SH3GL2: variants seen among roughly 807,000 people sequenced by gnomAD.
The protein encoded by SH3GL2 is SH3 domain containing GRB2 like 2, endophilin A1.
Under a neutral mutation model 46.0 loss-of-function variants are expected in SH3GL2, and 24 were observed. That is an observed-to-expected ratio of 0.52 (90% CI 0.38 to 0.73). SH3GL2 has a LOEUF of 0.73. Among genes scored for constraint, SH3GL2 ranks in the 30% least tolerant of loss-of-function variants. The pLI is 0.00. For synonymous variants in SH3GL2, 196 were observed against 147.1 expected (o/e 1.33, Z -2.40); for missense variants, 413 against 424.2 (o/e 0.97, Z 0.23).
intron 1 of SH3GL2, among the ~76,000 whole-genome samples, chr9:17,693,318 A>G (rs1226757086): frequency 6.6e-6 from 1 of 152,128 alleles, no homozygotes; most frequent in African/African-American, 2.4e-5. Context: ...TTTCTTCTGC[A>G]ACAGAAACCC....
intron 1 of SH3GL2, among the ~76,000 whole-genome samples, chr9:17,633,139 G>T (rs1227579713): frequency 6.6e-6 from 1 of 152,156 alleles, no homozygotes; most frequent in Non-Finnish European, 1.5e-5. Context: ...TATAGGTCTT[G>T]TTTCTCAAGT....
chr9:17,771,685 A>C (rs9406709), intron 3 of SH3GL2, among the ~76,000 whole-genome samples: 1 of 152,026 alleles, frequency 6.6e-6, no homozygotes, highest in East Asian at 1.9e-4. Flanking sequence ...GCAGCACCCA[A>C]TCTTGAGGTG....
At chr9:17,727,158 G>C (rs1314336871) in intron 1 of SH3GL2, among the ~76,000 whole-genome samples, 1 of 152,198 alleles carries the variant, frequency 6.6e-6, no homozygotes, top group African/African-American at 2.4e-5. Context: ...TCTACAGAGA[G>C]CAACATATAT....
chr9:17,651,366 G>C (rs1217610316), intron 1 of SH3GL2, among the ~76,000 whole-genome samples: 3 of 152,106 alleles, frequency 2.0e-5, no homozygotes, highest in African/African-American at 7.2e-5. Flanking sequence ...CATTTATTTA[G>C]GGAATTTTAA....
intron 1 of SH3GL2, among the ~76,000 whole-genome samples, chr9:17,622,315 C>A (rs1009883549): frequency 2.0e-5 from 3 of 152,154 alleles, no homozygotes; most frequent in Admixed American, 2.0e-4. Context: ...AATAAGCCAT[C>A]TGCAGTGTCT....
intron 6 of SH3GL2, 81 bp from the exon 7 acceptor site, chr9:17,791,150 T>C (rs1824114879): frequency 1.0e-6 from 1 of 966,718 alleles, no homozygotes; most frequent in African/African-American, 1.6e-5. Context: ...AGGGCAGCCC[T>C]GGTGTATGTA....
intron 1 of SH3GL2, among the ~76,000 whole-genome samples, chr9:17,655,746 G>C (rs1536065): frequency 6.6e-6 from 1 of 151,988 alleles, no homozygotes; most frequent in African/African-American, 2.4e-5. Context: ...CCCGTGCATC[G>C]TTTTTGAGCA....
chr9:17,739,582 C>G (rs73412756), intron 1 of SH3GL2, among the ~76,000 whole-genome samples: 3,239 of 150,746 alleles, frequency 0.021, 114 homozygotes, highest in African/African-American at 0.075. Context: ...TGATGATGAA[C>G]TAAATTATTT....
At chr9:17,754,523 A>T (rs1313410478) in intron 2 of SH3GL2, among the ~76,000 whole-genome samples, 1 of 152,018 alleles carries the variant, frequency 6.6e-6, no homozygotes, top group Non-Finnish European at 1.5e-5. Context: ...TATACAAAAA[A>T]TTAGCTGGGT....
chr9:17,648,944 A>G (rs893906027), intron 1 of SH3GL2, among the ~76,000 whole-genome samples: 3 of 152,210 alleles, frequency 2.0e-5, no homozygotes, highest in Non-Finnish European at 4.4e-5. Context: ...TACAAAGAGC[A>G]CTGTTCCATC....
intron 1 of SH3GL2, among the ~76,000 whole-genome samples, chr9:17,588,898 G>T (rs1232370968): frequency 1.3e-5 from 2 of 152,192 alleles, no homozygotes; most frequent in Non-Finnish European, 2.9e-5. Flanking sequence ...TTGTAACATG[G>T]CCCCTCTGTG....
intron 1 of SH3GL2, among the ~76,000 whole-genome samples, chr9:17,731,466 A>C (rs868623810): frequency 1.5e-4 from 23 of 151,906 alleles, no homozygotes; most frequent in African/African-American, 5.3e-4. Context: ...ACAGAGAGAG[A>C]GAGAGAGCAT....
intron 1 of SH3GL2, among the ~76,000 whole-genome samples, chr9:17,669,110 A>G (rs1220270159): frequency 6.6e-6 from 1 of 152,094 alleles, no homozygotes; most frequent in African/African-American, 2.4e-5. Context: ...TAAAAATTTT[A>G]TTTTGTGTTA....
chr9:17,728,153 C>T (rs12341417), intron 1 of SH3GL2, among the ~76,000 whole-genome samples: 74,399 of 151,972 alleles, frequency 0.49, 18,755 homozygotes, highest in East Asian at 0.66. Flanking sequence ...GATTTCTATG[C>T]GAATCTAGTC....
chr9:17,682,794 T>C (rs1356602253), intron 1 of SH3GL2, among the ~76,000 whole-genome samples: 1 of 152,080 alleles, frequency 6.6e-6, no homozygotes, highest in African/African-American at 2.4e-5. Flanking sequence ...TTAACTAGCA[T>C]CCTAAGCACT....
At chr9:17,584,892 T>C (rs1818344746) in intron 1 of SH3GL2, among the ~76,000 whole-genome samples, 1 of 152,252 alleles carries the variant, frequency 6.6e-6, no homozygotes, top group Non-Finnish European at 1.5e-5. Context: ...CAAGCTTTTT[T>C]CCCCATAGTG....
chr9:17,700,832 A>G (rs1821327022), intron 1 of SH3GL2, among the ~76,000 whole-genome samples: 1 of 152,196 alleles, frequency 6.6e-6, no homozygotes, highest in Admixed American at 6.5e-5. Flanking sequence ...AAAGAATGCT[A>G]GTTAATAGCT....
At chr9:17,741,404 T>C (rs991840194) in intron 1 of SH3GL2, among the ~76,000 whole-genome samples, 7 of 152,290 alleles carry the variant, frequency 4.6e-5, no homozygotes, top group African/African-American at 1.7e-4. Context: ...CTAATTGCAG[T>C]TGTAATGAAA....
intron 3 of SH3GL2, among the ~76,000 whole-genome samples, chr9:17,780,647 T>C (rs62551050): frequency 9.3e-6 from 1 of 107,272 alleles, no homozygotes; most frequent in Non-Finnish European, 1.9e-5. Flanking sequence ...GACCCCACCA[T>C]AGTCCCCAGA....
Sources: allele counts gnomAD v4.1 joint callset (sites outside exome capture counted in the v4.1 genomes callset), GRCh38; gene constraint gnomAD v4.1.1; transcripts MANE v1.5; gene names NCBI Gene and HGNC (gene_info 2026-07-23, HGNC 2026-07-21).